ERN1: variants seen among roughly 807,000 people sequenced by gnomAD.
The protein encoded by ERN1 is endoplasmic reticulum to nucleus signaling 1, also known as serine/threonine-protein kinase/endoribonuclease IRE1.
Under a neutral mutation model 113.1 loss-of-function variants are expected in ERN1, and 39 were observed. The ratio of observed to expected loss-of-function variants is 0.34; its 90% CI spans 0.27 to 0.45. The LOEUF (loss-of-function observed/expected upper bound fraction) is 0.45, where lower values mean the gene tolerates loss of function less well. Among genes scored for constraint, ERN1 ranks in the 20% least tolerant of loss-of-function variants. ERN1 has a pLI of 1.00. For missense variants in ERN1, 976 were observed against 1,274.8 expected (o/e 0.77, Z 3.57); for synonymous variants, 507 against 515.9 (o/e 0.98, Z 0.23).
intron 12 of ERN1, 135 bp downstream of exon 12, chr17:64,057,667 C>G: frequency 1.1e-6 from 1 of 893,252 alleles, no homozygotes; most frequent in Non-Finnish European, 1.8e-6. Context: ...TGTGCCCGCC[C>G]GGCCAACAAA....
chr17:64,084,695 T>C (rs1913871526), intron 2 of ERN1, among the ~76,000 whole-genome samples: 1 of 152,220 alleles, frequency 6.6e-6, no homozygotes, highest in East Asian at 1.9e-4. Context: ...TGGTTCCCCA[T>C]CTCACTCAGT....
chr17:64,068,973 T>C (rs1009429142), intron 6 of ERN1, among the ~76,000 whole-genome samples: 3 of 152,182 alleles, frequency 2.0e-5, no homozygotes, highest in African/African-American at 7.2e-5. Flanking sequence ...GAAGAAATCA[T>C]TCAGCAGAAT....
At position 64,063,591 on chromosome 17, in the gene ERN1, C is replaced by T. The variant is rs992919063; in HGVS notation, c.1087+395G>A. 2.0e-5 allele frequency among the ~76,000 whole-genome samples: 3 copies of T among 152,126 alleles called. No homozygotes were observed. Among genetic ancestry groups the T allele is most frequent in the Non-Finnish European group, 2.9e-5 (2 of 68,018 alleles). On this transcript the variant is annotated intron_variant, in intron 10 of 21. Transcript: ENST00000433197. The surrounding 1 kb of genome is among the most constrained non-coding windows in gnomAD (Gnocchi z 5.1). The stretch of plus-strand genomic sequence containing the variant: ...CTCCAACCCCTCACCCTCATGCCCA[C>T]GTGGACTCCAAGTTAATTCTTCCAT...
chr17:64,083,298 TA>T (rs1190681567), intron 2 of ERN1, among the ~76,000 whole-genome samples: 1 of 151,594 alleles, frequency 6.6e-6, no homozygotes, highest in East Asian at 1.9e-4. Flanking sequence ...TCAGCAAAAA[TA>T]AAAAGAGCAT....
Position 64,130,063 on chromosome 17 carries a change from C to A in ERN1, c.-34G>T. 2 of 1,367,812 alleles carry A rather than the reference C, an allele frequency of 1.5e-6. No homozygotes were observed. Among genetic ancestry groups the A allele is most frequent in the South Asian group, 1.7e-5 (1 of 57,924 alleles). 84.7% of individuals were successfully genotyped at this position (1,367,812 alleles called of 1,614,324 possible). A position where few individuals can be genotyped will look rare whatever the true frequency, so the allele number is the denominator to read the frequency against. Reference sequence around the variant, plus strand: ...CTCGGCCCTGGCTCCGGGGGCGGTACGGACAGAGGACGGGGCGGGGGCGCC... The same window carrying A: ...CTCGGCCCTGGCTCCGGGGGCGGTAAGGACAGAGGACGGGGCGGGGGCGCC... On this transcript the variant is annotated 5_prime_UTR_variant, in exon 1 of 22. Transcript: ENST00000433197. This position sits in a 1 kb window ranked among gnomAD's most constrained non-coding sequence, Gnocchi z 4.0.
At chr17:64,105,980 A>G (rs1378267807) in intron 1 of ERN1, among the ~76,000 whole-genome samples, 2 of 152,042 alleles carry the variant, frequency 1.3e-5, no homozygotes, top group East Asian at 3.9e-4. Flanking sequence ...AAAAAGAAAG[A>G]AAACCATTCC....
At chr17:64,112,698 C>A (rs1174518072) in intron 1 of ERN1, among the ~76,000 whole-genome samples, 1 of 152,230 alleles carries the variant, frequency 6.6e-6, no homozygotes, top group Non-Finnish European at 1.5e-5. Flanking sequence ...CACAGCTGAA[C>A]ACATGGAGAT....
intron 1 of ERN1, among the ~76,000 whole-genome samples, chr17:64,106,787 T>C (rs1210552891): frequency 1.4e-5 from 2 of 138,834 alleles, no homozygotes; most frequent in South Asian, 2.4e-4. Flanking sequence ...CTTTCTCTCA[T>C]AGGACACCAG....
chr17:64,118,383 T>G (rs556281971), intron 1 of ERN1, among the ~76,000 whole-genome samples: 1 of 152,322 alleles, frequency 6.6e-6, no homozygotes, highest in South Asian at 2.1e-4. Context: ...TAAAAACAGC[T>G]AAAATGATTT....
At chr17:64,091,762 T>G (rs1286860974) in intron 2 of ERN1, among the ~76,000 whole-genome samples, 1 of 150,674 alleles carries the variant, frequency 6.6e-6, no homozygotes, top group African/African-American at 2.4e-5. Context: ...CCCAGGGAGT[T>G]GGGGCGGGGG....
chr17:64,053,514 A>C, intron 15 of ERN1, 143 bp from the exon 16 acceptor site: 1 of 482,592 alleles, frequency 2.1e-6, no homozygotes, highest in Non-Finnish European at 3.4e-6. Context: ...TCCAGCAAGG[A>C]GCAAACCTCC....
chr17:64,057,338 G>C (rs919161120), intron 12 of ERN1, among the ~76,000 whole-genome samples: 2 of 145,278 alleles, frequency 1.4e-5, no homozygotes, highest in Admixed American at 1.4e-4. Context: ...TGTTTTTGAA[G>C]ATAAACAAAC....
At chr17:64,112,633 C>T (rs977529125) in intron 1 of ERN1, among the ~76,000 whole-genome samples, 2 of 152,108 alleles carry the variant, frequency 1.3e-5, no homozygotes, top group African/African-American at 4.8e-5. Context: ...GTTTCTCATC[C>T]ATAAAATGGG....
In ERN1 at chr17:64,053,291, G is replaced by A. The variant is rs780017080; in HGVS notation, c.2034C>T (p.His678=). ...TCTCACCGATGTTGAGGGAGTGGAG[G>A]TGGGCCAGGCCCGAGGTGGTCTGCT... is the stretch of plus-strand genomic sequence containing the variant. ...LLQQTTSGLA[H]LHSLNIVHRD... Residue 678 remains histidine (H), a synonymous_variant, in exon 16 of 22, where the codon CAC becomes CAT. Transcript: ENST00000433197. The A allele has an allele frequency of 6.2e-7, 1 of 1,609,790 alleles. No individual in the cohort carries two copies. The highest frequency in any genetic ancestry group is 1.7e-5 in the Admixed American group (1 of 59,500).
rs754142218 is a variant in ERN1, at chr17:64,065,239, G to A, written c.891C>T (p.Pro297=). Residue 297 remains proline, a synonymous_variant, in exon 9 of 22, where the codon CCC becomes CCT. Transcript: ENST00000433197. ...GKYSTSLYAS[P]SMVHEGVAVV... ...CAGCAACCCCCTCGTGTACCATTGAGGGAGAGGCATAGAGGCTGGTAGAGT... is the reference window on the plus strand; with the variant it reads ...CAGCAACCCCCTCGTGTACCATTGAAGGAGAGGCATAGAGGCTGGTAGAGT... 1 of 1,609,598 alleles carries A rather than the reference G, an allele frequency of 6.2e-7. No homozygotes were observed. The highest frequency in any genetic ancestry group is 1.7e-5 in the Admixed American group (1 of 59,424).
intron 7 of ERN1, among the ~76,000 whole-genome samples, chr17:64,067,488 G>T (rs1913269271): frequency 6.6e-6 from 1 of 151,266 alleles, no homozygotes; most frequent in African/African-American, 2.4e-5. Flanking sequence ...CGTGCCTGTG[G>T]TCCCAGCTAC....
At chr17:64,094,767 C>G (rs1399862269) in intron 2 of ERN1, among the ~76,000 whole-genome samples, 1 of 152,056 alleles carries the variant, frequency 6.6e-6, no homozygotes, top group Non-Finnish European at 1.5e-5. Flanking sequence ...AGACTCCCAC[C>G]CCAACCTGGT....
intron 1 of ERN1, among the ~76,000 whole-genome samples, chr17:64,109,655 G>A (rs535749657): frequency 3.9e-5 from 6 of 152,164 alleles, no homozygotes; most frequent in Non-Finnish European, 8.8e-5. Context: ...TTTTTGAGAT[G>A]AAAAGGACCG....
At position 64,130,086 on chromosome 17, in the gene ERN1, G is replaced by A. The variant is rs1186715772; in HGVS notation, c.-57C>T. On this transcript the variant is annotated 5_prime_UTR_variant, in exon 1 of 22. Coordinates refer to ENST00000433197, the MANE Select transcript of ERN1 (RefSeq NM_001433.5). The surrounding 1 kb of genome is among the most constrained non-coding windows in gnomAD (Gnocchi z 4.0). ...TACGGACAGAGGACGGGGCGGGGGC[G>A]CCGCGACGACAGCGAGGCGGTGACC... 2.3e-6 allele frequency: 3 copies of A among 1,295,382 alleles called. No homozygotes were observed. Among genetic ancestry groups the A allele is most frequent in the Non-Finnish European group, 2.9e-6 (3 of 1,020,810 alleles). The allele number at this position is 1,295,382 out of a possible 1,614,324, so 80.2% of individuals were successfully genotyped here.
Sources: allele counts gnomAD v4.1 joint callset (sites outside exome capture counted in the v4.1 genomes callset), GRCh38; gene constraint gnomAD v4.1.1; non-coding constraint Gnocchi (gnomAD v3.1); transcripts MANE v1.5; gene names NCBI Gene and HGNC (gene_info 2026-07-23, HGNC 2026-07-21).